Variants in SPTBN5 observed in about 807,000 individuals in gnomAD.
SPTBN5 encodes spectrin beta, non-erythrocytic 5.
Under a neutral mutation model 477.6 loss-of-function variants are expected in SPTBN5, and 513 were observed. The observed-to-expected ratio is 1.07, with a 90% CI of 1.00 to 1.16. The LOEUF (loss-of-function observed/expected upper bound fraction) is 1.16. SPTBN5 is among the 50% of genes most tolerant of loss of function. The probability of loss-of-function intolerance (pLI) is 0.00; values close to 1 mark genes in which losing one functional copy is unlikely to be tolerated. For synonymous variants in SPTBN5, 2,169 were observed against 2,011.7 expected (o/e 1.08, Z -2.09); for missense variants, 5,062 against 4,731.8 (o/e 1.07, Z -2.05).
intron 28 of SPTBN5, 67 bp from the exon 29 acceptor site, chr15:41,871,587 G>A (rs1207566108): frequency 1.4e-6 from 2 of 1,407,592 alleles, no homozygotes; most frequent in East Asian, 2.9e-5. Context: ...CCTGGGAATC[G>A]AGGCACCTCA....
Position 41,874,456 on chromosome 15 carries a change from G to A in SPTBN5, c.4525C>T (p.Leu1509=). The part of the protein sequence containing the change: ...LRRLELLQGH[L]AIRGLQLQAS... ...TGCAGCTGCAGGCCCCGGATGGCCA[G>A]ATGCCCCTGCAGAAGCTCCAGCCTA... The change falls in exon 24 of 68, where the codon CTG becomes TTG. Residue 1509 remains leucine, a synonymous_variant. Coordinates refer to ENST00000320955, the MANE Select transcript of SPTBN5 (RefSeq NM_016642.4). 1 of 1,610,848 alleles carries A rather than the reference G, an allele frequency of 6.2e-7. No individual in the cohort carries two copies. The highest frequency in any genetic ancestry group is 1.1e-5 in the South Asian group (1 of 90,948).
intron 39 of SPTBN5, among the ~76,000 whole-genome samples, chr15:41,864,995 T>C (rs779489878): frequency 6.6e-6 from 1 of 152,234 alleles, no homozygotes; most frequent in African/African-American, 2.4e-5. Context: ...CCCAGCTCCT[T>C]TGGAGTCTAG....
rs749115629 is a variant in SPTBN5 at position 41,893,341 on chromosome 15, T to C, written c.157A>G (p.Met53Val). The C allele has an allele frequency of 1.7e-5, 27 of 1,613,912 alleles. No homozygotes were observed. Among genetic ancestry groups the C allele is most frequent in the Non-Finnish European group, 1.9e-5 (23 of 1,179,908 alleles). ...GHIRKLQARH[M>V]QMQEKTFTKW... is the part of the protein sequence containing the mutation. Reference sequence around the variant, plus strand: ...GTGAAAGTCTTCTCCTGCATCTGCATGTGCCGGGCCTGTAGCTTGCGAATG... The same window carrying C: ...GTGAAAGTCTTCTCCTGCATCTGCACGTGCCGGGCCTGTAGCTTGCGAATG... Residue 53 changes from methionine to valine, a missense_variant, in exon 2 of 68, where the codon ATG (methionine) becomes GTG (valine). Met to Val is a conservative substitution (Grantham distance 21, BLOSUM62 1). Coordinates refer to ENST00000320955, the MANE Select transcript of SPTBN5 (RefSeq NM_016642.4).
In SPTBN5 at chr15:41,862,829, C is replaced by T; in HGVS notation, c.7224G>A (p.Glu2408=). The stretch of plus-strand genomic sequence containing the variant: ...GGATGGGGTGCACTTCCCGCTCCAG[C>T]TCCTCGTGTTTCCGCAGCAGCCTCT... ...SVQRLLRKHE[E]LEREVHPIQA... is the part of the protein sequence containing the mutation. Residue 2408 remains glutamate, a synonymous_variant, in exon 42 of 68, where the codon GAG becomes GAA. Coordinates refer to ENST00000320955, the MANE Select transcript of SPTBN5 (RefSeq NM_016642.4). 6.3e-7 allele frequency: 1 copy of T among 1,587,610 alleles called. No individual in the cohort carries two copies. Among genetic ancestry groups the T allele is most frequent in the Non-Finnish European group, 8.6e-7 (1 of 1,167,984 alleles).
At chr15:41,865,663 T>G (rs1407287952) in intron 39 of SPTBN5, 145 bp downstream of exon 39, 1 of 686,988 alleles carries the variant, frequency 1.5e-6, no homozygotes, top group East Asian at 2.8e-5. Context: ...TGAAGGCGGG[T>G]GAGAGGAGGG....
At chr15:41,849,169 G>C (rs377700409) in intron 67 of SPTBN5, among the ~76,000 whole-genome samples, 1 of 152,212 alleles carries the variant, frequency 6.6e-6, no homozygotes, top group East Asian at 1.9e-4. Context: ...CTAACCTCAG[G>C]TGTCCCCTCC....
rs55807335 is a variant in SPTBN5, at chr15:41,849,902, G to A, written c.10979C>T (p.Thr3660Met). 9.4e-4 allele frequency: 1,500 copies of A among 1,593,308 alleles called. No individual in the cohort carries two copies. Among genetic ancestry groups the A allele is most frequent in the Non-Finnish European group, 1.2e-3 (1,363 of 1,169,662 alleles). The change falls in exon 67 of 68, where the codon ACG becomes ATG. Residue 3660 changes from threonine to methionine, a missense_variant. Coordinates refer to ENST00000320955, the MANE Select transcript of SPTBN5 (RefSeq NM_016642.4). ...AKPVSSLNEC[T>M]TKDARPGCLL... ...ACATCCAGGCCGGGCATCCTTGGTCGTGCACTCATTCAGAGAGCTGACAGG... is the reference window on the plus strand; with the variant it reads ...ACATCCAGGCCGGGCATCCTTGGTCATGCACTCATTCAGAGAGCTGACAGG...
At position 41,849,958 on chromosome 15, in the gene SPTBN5, G is replaced by A; in HGVS notation, c.10923C>T (p.Ala3641=). ...SWWRALGSTA[A]QSLSPKLKAK... is the part of the protein sequence containing the mutation. Reference sequence around the variant, plus strand: ...CTTTGAGTTTTGGGCTCAGACTCTGGGCTGCAGAGCAAGGGAATAACCACT... The same window carrying A: ...CTTTGAGTTTTGGGCTCAGACTCTGAGCTGCAGAGCAAGGGAATAACCACT... The change falls in exon 67 of 68, where the codon GCC becomes GCT. Residue 3641 remains alanine (A), a splice_region_variant and synonymous_variant. Transcript: ENST00000320955. The A allele has an allele frequency of 6.3e-7, 1 of 1,587,370 alleles. No homozygotes were observed. The highest frequency in any genetic ancestry group is 1.1e-5 in the South Asian group (1 of 86,980).
At chr15:41,850,131 T>C (rs929912484) in intron 66 of SPTBN5, 172 bp from the exon 67 acceptor site, 6 of 609,774 alleles carry the variant, frequency 9.8e-6, no homozygotes, top group South Asian at 3.8e-5. Flanking sequence ...TGTGGGCAGG[T>C]TTTTCCCCCA....
At chr15:41,857,177 CA>C in intron 51 of SPTBN5, 60 bp downstream of exon 51, 1 of 1,537,314 alleles carries the variant, frequency 6.5e-7, no homozygotes, top group Non-Finnish European at 8.8e-7. Context: ...GTTAAGAGGG[CA>C]GGGGTGGGGG....
In SPTBN5 at chr15:41,882,328, G is replaced by A. The variant is rs2066991886; in HGVS notation, c.2188C>T (p.Leu730Phe). Residue 730 changes from leucine (L) to phenylalanine (F), a missense_variant, in exon 11 of 68, where the codon CTC becomes TTC. By Grantham distance (22) the Leu-to-Phe change is conservative. Transcript: ENST00000320955. Reference sequence around the variant, plus strand: ...CCCCGCCCCACCACCCGGGTCTGGAGCAGCTGCCACCCTCCCTGAACGGCC... The same window carrying A: ...CCCCGCCCCACCACCCGGGTCTGGAACAGCTGCCACCCTCCCTGAACGGCC... ...AEAVQGGWQL[L>F]QTRVVGRGAR... 6.5e-7 allele frequency: 1 copy of A among 1,534,074 alleles called. No homozygotes were observed.
Position 41,863,733 on chromosome 15 carries a change from C to T in SPTBN5, c.7120G>A (p.Asp2374Asn). 1.2e-6 allele frequency: 2 copies of T among 1,613,558 alleles called. No homozygotes were observed. Among genetic ancestry groups the T allele is most frequent in the Non-Finnish European group, 1.7e-6 (2 of 1,179,818 alleles). Residue 2374 changes from aspartate to asparagine, a missense_variant, in exon 41 of 68, where the codon GAC becomes AAC. Coordinates refer to ENST00000320955, the MANE Select transcript of SPTBN5 (RefSeq NM_016642.4). ...TCCTGAATCCTCTTGGTGACATTGT[C>T]CAGCTCTCGGGACAACACGTGTATC... ...LEIHVLSREL[D>N]NVTKRIQEKE...
intron 48 of SPTBN5, 59 bp from the exon 49 acceptor site, chr15:41,858,807 G>T: frequency 6.4e-7 from 1 of 1,569,076 alleles, no homozygotes; most frequent in East Asian, 2.3e-5. Context: ...CCTGACCTCT[G>T]GGATACCCCA....
At chr15:41,880,824 C>T (rs1428485642) in intron 13 of SPTBN5, among the ~76,000 whole-genome samples, 2 of 152,228 alleles carry the variant, frequency 1.3e-5, no homozygotes, top group African/African-American at 4.8e-5. Context: ...TCCAAGGTGC[C>T]TTCCCTGACC....
chr15:41,851,223 G>GC, intron 64 of SPTBN5, 60 bp downstream of exon 64: 1 of 1,562,504 alleles, frequency 6.4e-7, no homozygotes, highest in Non-Finnish European at 8.7e-7. Flanking sequence ...CTGTCCTGGG[G>GC]CCCCTCTGCC....
Position 41,851,848 on chromosome 15 carries a change from A to G in SPTBN5, c.10587T>C (p.Asp3529=), listed in dbSNP as rs757777496. ...CCTCCATGGTGGGGGTACCCTTTGC[A>G]TCCTGAAAATGCAAGATGGGGCCCA... ...AQLAETRDPQ[D]AKGTPTMEGS... Residue 3529 remains aspartate, a splice_region_variant and synonymous_variant, in exon 63 of 68, where the codon GAT becomes GAC. Coordinates refer to ENST00000320955, the MANE Select transcript of SPTBN5 (RefSeq NM_016642.4). 15 of 1,609,070 alleles carry G rather than the reference A, an allele frequency of 9.3e-6. No individual in the cohort carries two copies. The highest frequency in any genetic ancestry group is 1.3e-5 in the African/African-American group (1 of 74,732).
At position 41,854,987 on chromosome 15, in the gene SPTBN5, A is replaced by T. The variant is rs946119646; in HGVS notation, c.9424-11T>A. The T allele has an allele frequency of 6.5e-7, 1 of 1,532,144 alleles. No homozygotes were observed. The highest frequency in any genetic ancestry group is 8.8e-7 in the Non-Finnish European group (1 of 1,139,308). 94.9% of individuals were successfully genotyped at this position (1,532,144 alleles called of 1,614,324 possible). A position where few individuals can be genotyped will look rare whatever the true frequency, so the allele number is the denominator to read the frequency against. The stretch of plus-strand genomic sequence containing the variant: ...CTTCTCTTCCAGCACCTGCAAAGGT[A>T]TGAGGCCCAGCAGGGTCACTTGAGA... On this transcript the variant is annotated splice_polypyrimidine_tract_variant and intron_variant, in intron 55 of 67. Transcript: ENST00000320955.
At chr15:41,875,783 G>C (rs2066703846) in intron 21 of SPTBN5, among the ~76,000 whole-genome samples, 161 bp from the exon 22 acceptor site, 1 of 152,206 alleles carries the variant, frequency 6.6e-6, no homozygotes, top group Non-Finnish European at 1.5e-5. Context: ...CAAAACTGCA[G>C]GTAGGGGGGC....
At chr15:41,869,472 G>A (rs751127385) in intron 32 of SPTBN5, among the ~76,000 whole-genome samples, 4 of 152,198 alleles carry the variant, frequency 2.6e-5, no homozygotes, top group Non-Finnish European at 5.9e-5. Context: ...CTCTCCACCC[G>A]TGGCTTCAGC....
Sources: gnomAD v4.1 joint callset for allele counts (sites outside exome capture counted in the v4.1 genomes callset) on GRCh38, gnomAD v4.1.1 for gene constraint, MANE v1.5 for transcripts, NCBI Gene and HGNC (gene_info 2026-07-23, HGNC 2026-07-21) for gene names.